Variants in ARHGEF12 observed in about 807,000 individuals in gnomAD.
The protein encoded by ARHGEF12 is Rho guanine nucleotide exchange factor 12, also known as KMT2A/ARHGEF12 fusion protein.
In ARHGEF12, 66 loss-of-function variants were observed where a neutral mutation model predicts 211.2. That is an observed-to-expected ratio of 0.31 (90% CI 0.26 to 0.38). The LOEUF (loss-of-function observed/expected upper bound fraction) is 0.38, where lower values mean the gene tolerates loss of function less well. Among genes scored for constraint, ARHGEF12 ranks in the 10% least tolerant of loss-of-function variants. The pLI is 1.00. For synonymous variants in ARHGEF12, 592 were observed against 638.4 expected (o/e 0.93, Z 1.09); for missense variants, 1,429 against 1,869.5 (o/e 0.76, Z 4.34).
At chr11:120,383,365 G>T (rs529956383) in intron 1 of ARHGEF12, among the ~76,000 whole-genome samples, 2 of 152,128 alleles carry the variant, frequency 1.3e-5, no homozygotes, top group African/African-American at 4.8e-5. Flanking sequence ...TAGTGGGATG[G>T]TTTCAGGGTG....
chr11:120,367,051 C>G (rs1943443457), intron 1 of ARHGEF12, among the ~76,000 whole-genome samples: 1 of 151,868 alleles, frequency 6.6e-6, no homozygotes, highest in African/African-American at 2.4e-5. Context: ...CACTGCTACA[C>G]TGGCAAAGAA....
Position 120,488,721 on chromosome 11 carries a change from A to G in ARHGEF12, c.*3644A>G, listed in dbSNP as rs1028022785. ...TTAATAAGCCTCTTCCTACTAGAAC[A>G]TTTTATTTTCCTTGTTCACCATACA... On this transcript the variant is annotated 3_prime_UTR_variant, in exon 41 of 41. Transcript: ENST00000397843. The G allele has an allele frequency of 4.1e-5, 9 of 218,020 alleles. No homozygotes were observed. Among genetic ancestry groups the G allele is most frequent in the African/African-American group, 1.1e-4 (5 of 44,450 alleles). 13.5% of individuals were successfully genotyped at this position (218,020 alleles called of 1,614,324 possible). A position where few individuals can be genotyped will look rare whatever the true frequency, so the allele number is the denominator to read the frequency against.
intron 3 of ARHGEF12, chr11:120,408,365 C>T (rs946244477): frequency 6.6e-6 from 1 of 152,312 alleles, no homozygotes; most frequent in East Asian, 1.9e-4. Context: ...CAGTGTCGAT[C>T]TTTCCTAGGG....
intron 1 of ARHGEF12, among the ~76,000 whole-genome samples, chr11:120,380,420 TTGCC>T (rs2135449138): frequency 6.6e-6 from 1 of 152,310 alleles, no homozygotes; most frequent in East Asian, 1.9e-4. Context: ...GGATACCACA[TTGCC>T]TGTAGTTTTC....
intron 21 of ARHGEF12, chr11:120,450,658 T>C (rs1396534211): frequency 6.6e-6 from 1 of 152,292 alleles, no homozygotes; most frequent in African/African-American, 2.4e-5. Context: ...ATTGAACACC[T>C]GAGTGGGAGT....
chr11:120,465,399 C>G (rs1946673425), intron 28 of ARHGEF12, 37 bp downstream of exon 28: 4 of 1,610,486 alleles, frequency 2.5e-6, no homozygotes, highest in African/African-American at 1.3e-5. Context: ...AAAAATAAGG[C>G]AAGTTTTTAT....
At chr11:120,368,727 T>C (rs1943503066) in intron 1 of ARHGEF12, among the ~76,000 whole-genome samples, 1 of 152,180 alleles carries the variant, frequency 6.6e-6, no homozygotes, top group Non-Finnish European at 1.5e-5. Flanking sequence ...ATTTTTTTAA[T>C]TTTAATTTTA....
intron 1 of ARHGEF12, among the ~76,000 whole-genome samples, chr11:120,392,284 A>AT (rs369018624): frequency 3.0e-4 from 45 of 152,312 alleles, no homozygotes; most frequent in Middle Eastern, 3.4e-3. Flanking sequence ...CTCAGCTTAA[A>AT]TGCCTCTAAG....
intron 1 of ARHGEF12, among the ~76,000 whole-genome samples, chr11:120,341,624 C>G (rs964408317): frequency 6.6e-6 from 1 of 152,116 alleles, no homozygotes; most frequent in Non-Finnish European, 1.5e-5. Flanking sequence ...ATACTGGTTC[C>G]CAGAGGTAAT....
chr11:120,459,558 T>C (rs1946462111), intron 26 of ARHGEF12, among the ~76,000 whole-genome samples: 1 of 152,164 alleles, frequency 6.6e-6, no homozygotes, highest in South Asian at 2.1e-4. Flanking sequence ...GTGAAAAACA[T>C]GAATAGTCAA....
At chr11:120,374,269 A>G (rs1304389075) in intron 1 of ARHGEF12, among the ~76,000 whole-genome samples, 1 of 152,082 alleles carries the variant, frequency 6.6e-6, no homozygotes. Context: ...GCTTTTTTTC[A>G]TAAAAAGGAA....
intron 1 of ARHGEF12, among the ~76,000 whole-genome samples, chr11:120,399,348 AAAAG>A (rs1944491973): frequency 6.7e-6 from 1 of 149,022 alleles, no homozygotes; most frequent in Non-Finnish European, 1.5e-5. Flanking sequence ...AAAAAAAAAA[AAAAG>A]AAAAGAAAGA....
chr11:120,476,621 A>G, intron 33 of ARHGEF12, 40 bp from the exon 34 acceptor site: 1 of 1,523,586 alleles, frequency 6.6e-7, no homozygotes, highest in Non-Finnish European at 9.0e-7. Flanking sequence ...TGGCCTCCCC[A>G]GGTCATAGTA....
chr11:120,466,170 C>T (rs1021459998), intron 28 of ARHGEF12, among the ~76,000 whole-genome samples: 1 of 152,234 alleles, frequency 6.6e-6, no homozygotes, highest in Admixed American at 6.5e-5. Flanking sequence ...AGAGTTTGAC[C>T]AGGCTGAGAT....
In ARHGEF12 at chr11:120,374,854, A is replaced by G. The variant is rs554930673; in HGVS notation, c.33-31264A>G. On this transcript the variant is annotated intron_variant, in intron 1 of 40. Transcript: ENST00000397843. Reference sequence around the variant, plus strand: ...TATTAATGATTCAAATTACTAACATAGCTCTATTAAATTAAATCTACCATA... The same window carrying G: ...TATTAATGATTCAAATTACTAACATGGCTCTATTAAATTAAATCTACCATA... 1.3e-4 allele frequency among the ~76,000 whole-genome samples: 20 copies of G among 152,342 alleles called. 2 individuals are homozygous for G. The South Asian group carries it at 3.7e-3, about 28-fold the overall frequency.
chr11:120,424,848 T>G (rs1404750976), intron 7 of ARHGEF12, among the ~76,000 whole-genome samples: 5 of 152,228 alleles, frequency 3.3e-5, no homozygotes, highest in Non-Finnish European at 7.3e-5. Context: ...GTCAGACATA[T>G]GGCCTGATGA....
At chr11:120,447,190 G>T in intron 18 of ARHGEF12, 105 bp downstream of exon 18, 1 of 1,289,654 alleles carries the variant, frequency 7.8e-7, no homozygotes. Context: ...TTGTGTATGT[G>T]GAGCCGTTTA....
At chr11:120,464,331 C>G (rs1452578250) in intron 27 of ARHGEF12, 2 of 152,236 alleles carry the variant, frequency 1.3e-5, no homozygotes, top group Non-Finnish European at 2.9e-5. Context: ...ATAATCCCAG[C>G]ACTTTGAGAG....
chr11:120,351,335 C>T (rs1942934999), intron 1 of ARHGEF12, among the ~76,000 whole-genome samples: 1 of 58,588 alleles, frequency 1.7e-5, no homozygotes, highest in Non-Finnish European at 2.9e-5. Context: ...GAGCAAGACT[C>T]CGTCTCAAAA....
Sources: gnomAD v4.1 joint callset for allele counts (sites outside exome capture counted in the v4.1 genomes callset) on GRCh38, gnomAD v4.1.1 for gene constraint, MANE v1.5 for transcripts, NCBI Gene and HGNC (gene_info 2026-07-23, HGNC 2026-07-21) for gene names.